Variants in ALK observed in about 807,000 individuals in gnomAD.
The protein encoded by ALK is ALK receptor tyrosine kinase.
ALK carries 74 observed loss-of-function variants against 163.1 expected under a neutral mutation model. The ratio of observed to expected loss-of-function variants is 0.45; its 90% CI spans 0.38 to 0.55. The LOEUF (loss-of-function observed/expected upper bound fraction) is 0.55, where lower values mean the gene tolerates loss of function less well. Ranked by LOEUF, ALK falls within the 20% of genes least tolerant of loss-of-function variation. The pLI, the probability that ALK is intolerant of heterozygous loss-of-function variation, is 0.00. For synonymous variants in ALK, 960 were observed against 843.2 expected (o/e 1.14, Z -2.40); for missense variants, 2,063 against 2,105.3 (o/e 0.98, Z 0.39).
At chr2:29,576,586 T>C (rs1674531176) in intron 3 of ALK, among the ~76,000 whole-genome samples, 1 of 152,186 alleles carries the variant, frequency 6.6e-6, no homozygotes, top group African/African-American at 2.4e-5. Context: ...CTGACAGCCA[T>C]GCTAGCAGGT....
At chr2:29,723,296 C>T (rs185544414) in intron 1 of ALK, among the ~76,000 whole-genome samples, 6 of 152,286 alleles carry the variant, frequency 3.9e-5, no homozygotes, top group Admixed American at 2.6e-4. Flanking sequence ...TTCTCTCAGC[C>T]GAGGAAGCTC....
intron 3 of ALK, among the ~76,000 whole-genome samples, chr2:29,598,986 C>CA (rs557008414): frequency 2.0e-5 from 3 of 149,306 alleles, no homozygotes; most frequent in Admixed American, 6.7e-5. Context: ...AAGCATGAAC[C>CA]AAAAAAAAAA....
chr2:29,571,986 G>C (rs1162984800), intron 3 of ALK, among the ~76,000 whole-genome samples: 1 of 152,198 alleles, frequency 6.6e-6, no homozygotes. Context: ...AGAAAGCCCA[G>C]GTGAAGAATG....
intron 3 of ALK, among the ~76,000 whole-genome samples, chr2:29,669,360 T>C (rs1047211663): frequency 6.6e-6 from 1 of 152,110 alleles, no homozygotes; most frequent in Non-Finnish European, 1.5e-5. Flanking sequence ...AAGTTATTTG[T>C]CTCTTTTTAC....
In ALK at chr2:29,717,624, C is replaced by T; in HGVS notation, c.741G>A (p.Trp247Ter). ...SPDYFTWNLT[W>*]IMKDSFPFLS... ...GGAAAGGGAAGGAGTCTTTCATTAT[C>T]CAGGTGAGATTCCATGTAAAATAAT... Residue 247 changes from tryptophan (W) to a stop codon, truncating the protein, a stop_gained, in exon 2 of 29, where the codon TGG (tryptophan) becomes TGA (stop). Transcript: ENST00000389048. LOFTEE classifies it high-confidence loss of function. The T allele has an allele frequency of 6.2e-7, 1 of 1,613,950 alleles. No individual in the cohort carries two copies. Among genetic ancestry groups the T allele is most frequent in the Non-Finnish European group, 8.5e-7 (1 of 1,179,908 alleles).
intron 3 of ALK, among the ~76,000 whole-genome samples, chr2:29,566,079 C>A (rs978439680): frequency 1.3e-4 from 20 of 152,264 alleles, no homozygotes; most frequent in African/African-American, 4.8e-4. Flanking sequence ...CTTACAGGGA[C>A]AAAAGCCGGG....
chr2:29,447,995 A>G (rs1670728997), intron 4 of ALK, among the ~76,000 whole-genome samples: 1 of 152,212 alleles, frequency 6.6e-6, no homozygotes, highest in Non-Finnish European at 1.5e-5. Flanking sequence ...TTTTTAAATG[A>G]CAAAGGACAG....
intron 1 of ALK, among the ~76,000 whole-genome samples, chr2:29,805,163 G>A (rs886422081): frequency 6.6e-6 from 1 of 152,158 alleles, no homozygotes; most frequent in African/African-American, 2.4e-5. Context: ...CAGTCATAGT[G>A]CCCACCTCGC....
At chr2:29,682,343 T>G (rs1202563291) in intron 3 of ALK, among the ~76,000 whole-genome samples, 1 of 152,216 alleles carries the variant, frequency 6.6e-6, no homozygotes, top group Admixed American at 6.5e-5. Context: ...TCTCAAATCC[T>G]CATTTTGAAA....
rs112030386 is a variant in ALK at position 29,224,815 on chromosome 2, A to T, written c.3172+646T>A. ...CAGTGTGTGCTGCCATCTCCCTTCT[A>T]CCGGCAGATCCCTTTGCCTGCAGGG... On this transcript the variant is annotated intron_variant, in intron 19 of 28. Coordinates refer to ENST00000389048, the MANE Select transcript of ALK (RefSeq NM_004304.5). 1.2e-3 allele frequency: 263 copies of T among 216,558 alleles called. 1 individual carries two copies. The highest frequency in any genetic ancestry group is 2.9e-3 in the Middle Eastern group (2 of 680). 13.4% of individuals were successfully genotyped at this position (216,558 alleles called of 1,614,324 possible). A position where few individuals can be genotyped will look rare whatever the true frequency, so the allele number is the denominator to read the frequency against.
At chr2:29,488,628 T>C (rs1265256057) in intron 4 of ALK, among the ~76,000 whole-genome samples, 1 of 152,214 alleles carries the variant, frequency 6.6e-6, no homozygotes, top group Non-Finnish European at 1.5e-5. Flanking sequence ...TGTAGCATTC[T>C]TTTTCTTCAC....
intron 13 of ALK, among the ~76,000 whole-genome samples, chr2:29,238,177 T>A (rs910840804): frequency 6.6e-6 from 1 of 152,124 alleles, no homozygotes; most frequent in African/African-American, 2.4e-5. Flanking sequence ...AGCTGCCACA[T>A]CCGGCAGTTT....
chr2:29,706,991 G>GTC (rs1678929728), intron 2 of ALK, among the ~76,000 whole-genome samples: 1 of 143,794 alleles, frequency 7.0e-6, no homozygotes, highest in Non-Finnish European at 1.5e-5. Flanking sequence ...GTGTGTGTGT[G>GTC]TGTGTGTGTG....
In ALK at chr2:29,523,864, T is replaced by C. The variant is rs1426716975; in HGVS notation, c.1154+8051A>G. On this transcript the variant is annotated intron_variant, in intron 4 of 28. Transcript: ENST00000389048. ...GAACTGGCAGAAGCTGAAGGTTTTT[T>C]TTTTTTTTTTTTTTTTTTTTTTTTT... Among the ~76,000 whole-genome samples the C allele has an allele frequency of 3.8e-3, 30 of 7,832 alleles. 2 individuals carry two copies. The highest frequency in any genetic ancestry group is 7.2e-3 in the African/African-American group (25 of 3,458). 5.1% of individuals were successfully genotyped at this position (7,832 alleles called of 152,430 possible). A position where few individuals can be genotyped will look rare whatever the true frequency, so the allele number is the denominator to read the frequency against.
chr2:29,215,263 C>T (rs1268502429), intron 23 of ALK, among the ~76,000 whole-genome samples: 1 of 152,204 alleles, frequency 6.6e-6, no homozygotes, highest in Non-Finnish European at 1.5e-5. Context: ...AGCGGTGGAA[C>T]CAGGTGGGGT....
At chr2:29,641,079 G>A (rs1023520916) in intron 3 of ALK, among the ~76,000 whole-genome samples, 5 of 152,156 alleles carry the variant, frequency 3.3e-5, no homozygotes, top group Admixed American at 6.5e-5. Flanking sequence ...ACAGCTCCCA[G>A]TGGGGCTGCT....
At chr2:29,558,214 T>C (rs1349547633) in intron 3 of ALK, among the ~76,000 whole-genome samples, 1 of 152,228 alleles carries the variant, frequency 6.6e-6, no homozygotes, top group Non-Finnish European at 1.5e-5. Flanking sequence ...CTATAACACT[T>C]GAGATTACTC....
At chr2:29,704,976 G>A (rs1015346339) in intron 2 of ALK, among the ~76,000 whole-genome samples, 1 of 151,822 alleles carries the variant, frequency 6.6e-6, no homozygotes, top group African/African-American at 2.4e-5. Flanking sequence ...CCAGCACTTT[G>A]GGAGGCCAAG....
rs2148180432 is a variant in ALK at position 29,228,915 on chromosome 2, G to GC, written c.2783dup (p.Cys928TrpfsTer20). ...ATCCTCCGCCTCCTCCACCTGAGGA[G>GC]CACCCCCCTCCACCCCCTCCGAAAC... On this transcript the variant is annotated frameshift_variant, in exon 16 of 29. Transcript: ENST00000389048. LOFTEE classifies it high-confidence loss of function. 6 of 1,577,384 alleles carry GC rather than the reference G, an allele frequency of 3.8e-6. No homozygotes were observed. Among genetic ancestry groups the GC allele is most frequent in the East Asian group, 2.2e-5 (1 of 44,602 alleles).
Sources: gnomAD v4.1 joint callset for allele counts (sites outside exome capture counted in the v4.1 genomes callset) on GRCh38, gnomAD v4.1.1 for gene constraint, MANE v1.5 for transcripts, NCBI Gene and HGNC (gene_info 2026-07-23, HGNC 2026-07-21) for gene names.